Variants in NRG3 observed in about 807,000 individuals in gnomAD.
The protein encoded by NRG3 is pro-neuregulin-3, membrane-bound isoform.
Under a neutral mutation model 66.9 loss-of-function variants are expected in NRG3, and 31 were observed. That is an observed-to-expected ratio of 0.46 (90% CI 0.35 to 0.63). The LOEUF (loss-of-function observed/expected upper bound fraction) is 0.63. NRG3 is among the 20% of genes least tolerant of loss of function. The pLI is 0.00. For synonymous variants in NRG3, 393 were observed against 359.4 expected (o/e 1.09, Z -1.06); for missense variants, 910 against 878.9 (o/e 1.04, Z -0.45).
At chr10:82,479,621 G>T (rs1217876021) in intron 2 of NRG3, among the ~76,000 whole-genome samples, 3 of 133,166 alleles carry the variant, frequency 2.3e-5, no homozygotes, top group Non-Finnish European at 3.1e-5. Flanking sequence ...CCGAGGTCGC[G>T]CCATTGCACT....
intron 6 of NRG3, among the ~76,000 whole-genome samples, chr10:82,962,306 G>A (rs1046986222): frequency 2.2e-4 from 33 of 152,266 alleles, no homozygotes; most frequent in African/African-American, 7.5e-4. Context: ...GCAAAGGAGT[G>A]AAACTTCTCA....
At chr10:82,410,411 C>G (rs1313903627) in intron 2 of NRG3, among the ~76,000 whole-genome samples, 1 of 149,876 alleles carries the variant, frequency 6.7e-6, no homozygotes, top group Non-Finnish European at 1.5e-5. Flanking sequence ...TGAAAGAAAC[C>G]ATTCAGAAAA....
At chr10:81,931,110 T>C (rs959490221) in intron 1 of NRG3, among the ~76,000 whole-genome samples, 8 of 152,312 alleles carry the variant, frequency 5.3e-5, no homozygotes, top group African/African-American at 1.4e-4. Flanking sequence ...GTTCATTACA[T>C]AGATGTAATT....
At chr10:82,426,021 C>T (rs1200513575) in intron 2 of NRG3, among the ~76,000 whole-genome samples, 1 of 152,192 alleles carries the variant, frequency 6.6e-6, no homozygotes, top group African/African-American at 2.4e-5. Context: ...TTCCACCTTC[C>T]TCTAAGGTAA....
intron 1 of NRG3, among the ~76,000 whole-genome samples, chr10:81,905,703 G>T (rs1312713859): frequency 1.3e-5 from 2 of 152,188 alleles, no homozygotes; most frequent in Non-Finnish European, 2.9e-5. Context: ...CAATCAGCAT[G>T]CAGTTTAACT....
intron 2 of NRG3, among the ~76,000 whole-genome samples, chr10:82,440,505 C>T (rs1424513724): frequency 1.3e-5 from 2 of 150,820 alleles, no homozygotes; most frequent in Admixed American, 6.6e-5. Context: ...TTTCCTGTGT[C>T]TCGGAGGCTT....
chr10:82,354,069 G>A (rs2083614608), intron 1 of NRG3, among the ~76,000 whole-genome samples: 1 of 117,620 alleles, frequency 8.5e-6, no homozygotes, highest in Non-Finnish European at 1.6e-5. Context: ...ACTCAGCCCT[G>A]TCTCAAACAG....
chr10:82,823,138 T>C (rs113664429), intron 3 of NRG3, among the ~76,000 whole-genome samples: 55 of 152,290 alleles, frequency 3.6e-4, no homozygotes, highest in African/African-American at 1.3e-3. Context: ...GTTATTTTTC[T>C]CCTCTGAGAG....
intron 1 of NRG3, among the ~76,000 whole-genome samples, chr10:82,319,426 C>A (rs563093074): frequency 2.6e-5 from 4 of 152,190 alleles, no homozygotes; most frequent in African/African-American, 9.6e-5. Context: ...TAAATTCCGC[C>A]GAAAGGCAAA....
intron 1 of NRG3, among the ~76,000 whole-genome samples, chr10:82,090,218 G>A (rs746112033): frequency 6.6e-6 from 1 of 152,216 alleles, no homozygotes; most frequent in East Asian, 1.9e-4. Context: ...ATTTTTTATT[G>A]AGAATACTAA....
chr10:82,275,475 A>G (rs2134368714), intron 1 of NRG3, among the ~76,000 whole-genome samples: 1 of 152,146 alleles, frequency 6.6e-6, no homozygotes, highest in Non-Finnish European at 1.5e-5. Flanking sequence ...TTTGTTAATA[A>G]GAGTCTAACT....
intron 4 of NRG3, among the ~76,000 whole-genome samples, chr10:82,893,464 C>T (rs990883526): frequency 2.0e-5 from 3 of 152,104 alleles, no homozygotes; most frequent in Non-Finnish European, 4.4e-5. Flanking sequence ...CTAAGGCGGG[C>T]AGATCACGAG....
chr10:82,619,901 T>G (rs1210297428), intron 2 of NRG3, among the ~76,000 whole-genome samples: 1 of 152,232 alleles, frequency 6.6e-6, no homozygotes, highest in Non-Finnish European at 1.5e-5. Flanking sequence ...AATAAATTTG[T>G]GCTGCTTAAG....
At chr10:81,950,269 C>G (rs1158603732) in intron 1 of NRG3, among the ~76,000 whole-genome samples, 1 of 152,164 alleles carries the variant, frequency 6.6e-6, no homozygotes, top group Non-Finnish European at 1.5e-5. Context: ...TCAATTTAGT[C>G]AAACCTGGGT....
At chr10:82,801,540 A>G (rs1379120771) in intron 3 of NRG3, among the ~76,000 whole-genome samples, 1 of 152,176 alleles carries the variant, frequency 6.6e-6, no homozygotes, top group African/African-American at 2.4e-5. Context: ...GTAAGGGTTA[A>G]TCATTGTGTC....
At chr10:82,735,309 A>G (rs539762800) in intron 2 of NRG3, among the ~76,000 whole-genome samples, 20 of 152,300 alleles carry the variant, frequency 1.3e-4, no homozygotes, top group African/African-American at 4.6e-4. Context: ...ACTGGGGAAC[A>G]TTGAGATTTT....
chr10:82,934,721 T>C (rs116735356), intron 4 of NRG3, among the ~76,000 whole-genome samples: 2,170 of 152,330 alleles, frequency 0.014, 51 homozygotes, highest in African/African-American at 0.05. Context: ...TATATAATTA[T>C]TGTGTATCAG....
intron 1 of NRG3, among the ~76,000 whole-genome samples, chr10:82,075,704 G>A (rs758504689): frequency 5.3e-5 from 8 of 151,644 alleles, no homozygotes; most frequent in South Asian, 4.2e-4. Flanking sequence ...CCATTTTTTC[G>A]AAGTGTATGC....
At chr10:82,442,086 T>C (rs928313586) in intron 2 of NRG3, among the ~76,000 whole-genome samples, 1 of 152,184 alleles carries the variant, frequency 6.6e-6, no homozygotes, top group African/African-American at 2.4e-5. Context: ...TAGGATATAA[T>C]GTGTGTTTAC....
Sources: gnomAD v4.1 joint callset for allele counts (sites outside exome capture counted in the v4.1 genomes callset) on GRCh38, gnomAD v4.1.1 for gene constraint, MANE v1.5 for transcripts, NCBI Gene and HGNC (gene_info 2026-07-23, HGNC 2026-07-21) for gene names.